The following SLIT3 variants were observed in gnomAD, a reference collection of about 807,000 sequenced individuals.
SLIT3 encodes slit homolog 3 protein.
Under a neutral mutation model 184.0 loss-of-function variants are expected in SLIT3, and 68 were observed. That is an observed-to-expected ratio of 0.37 (90% confidence interval 0.30 to 0.45). The LOEUF (loss-of-function observed/expected upper bound fraction) is 0.45, where lower values mean the gene tolerates loss of function less well. SLIT3 is among the 20% of genes least tolerant of loss of function. The pLI is 1.00. For synonymous variants in SLIT3, 831 were observed against 828.6 expected, an observed-to-expected ratio of 1.00 and a Z score of -0.05; for missense variants, 1,707 against 2,026.0, an observed-to-expected ratio of 0.84 and a Z score of 3.02.
At chr5:168,832,198 TA>T (rs1403147736) in intron 6 of SLIT3, among the ~76,000 whole-genome samples, 2 of 152,240 alleles carry the variant, frequency 1.3e-5, no homozygotes, top group African/African-American at 4.8e-5. Context: ...AGTCTTGACT[TA>T]GAAATCAGGC....
intron 30 of SLIT3, 54 bp downstream of exon 30, chr5:168,686,924 AG>A (rs1761760504): frequency 4.4e-6 from 7 of 1,596,112 alleles, no homozygotes; most frequent in Non-Finnish European, 6.0e-6. Flanking sequence ...AGTCAGCCCC[AG>A]CCCCTGCCAC....
intron 26 of SLIT3, among the ~76,000 whole-genome samples, chr5:168,701,822 C>T (rs779733593): frequency 2.6e-5 from 4 of 152,254 alleles, no homozygotes; most frequent in African/African-American, 4.8e-5. Context: ...CCCACTGCCA[C>T]ACCACCTGCT....
intron 3 of SLIT3, among the ~76,000 whole-genome samples, chr5:169,237,202 T>C (rs1356687150): frequency 1.3e-5 from 2 of 152,200 alleles, no homozygotes; most frequent in Admixed American, 6.5e-5. Context: ...TTCATCACAG[T>C]CTGCATTCCA....
At chr5:168,762,206 A>G (rs1755180344) in intron 15 of SLIT3, among the ~76,000 whole-genome samples, 1 of 152,060 alleles carries the variant, frequency 6.6e-6, no homozygotes, top group African/African-American at 2.4e-5. Context: ...TTTAGCACCC[A>G]ACTTTCTGGT....
chr5:169,161,771 T>C (rs1262978020), intron 4 of SLIT3, among the ~76,000 whole-genome samples: 1 of 151,990 alleles, frequency 6.6e-6, no homozygotes, highest in Non-Finnish European at 1.5e-5. Context: ...GGCCAGGTAC[T>C]GTCCACTGTG....
At chr5:169,008,421 G>A (rs1756010941) in intron 4 of SLIT3, among the ~76,000 whole-genome samples, 1 of 152,186 alleles carries the variant, frequency 6.6e-6, no homozygotes. Flanking sequence ...ACAGGGGTTT[G>A]GAGAAGAGGC....
At chr5:168,703,012 G>A (rs940516181) in intron 26 of SLIT3, among the ~76,000 whole-genome samples, 3 of 152,190 alleles carry the variant, frequency 2.0e-5, no homozygotes, top group Non-Finnish European at 4.4e-5. Context: ...GCCAAGCACA[G>A]AAATCCAGGA....
intron 4 of SLIT3, among the ~76,000 whole-genome samples, chr5:169,014,414 G>T (rs552994902): frequency 1.3e-5 from 2 of 152,294 alleles, no homozygotes; most frequent in African/African-American, 2.4e-5. Context: ...AAGTACTGGT[G>T]GGGGAGAGGA....
At chr5:168,861,804 A>C (rs966971848) in intron 5 of SLIT3, among the ~76,000 whole-genome samples, 2 of 152,230 alleles carry the variant, frequency 1.3e-5, no homozygotes, top group Non-Finnish European at 2.9e-5. Flanking sequence ...GCCAGCCCTC[A>C]CTTTAAGATG....
chr5:168,983,178 C>T (rs150698791), intron 4 of SLIT3, among the ~76,000 whole-genome samples: 1 of 152,252 alleles, frequency 6.6e-6, no homozygotes, highest in Non-Finnish European at 1.5e-5. Flanking sequence ...AAGGCTAAGT[C>T]AGATTTCCTG....
intron 7 of SLIT3, among the ~76,000 whole-genome samples, chr5:168,821,288 C>T (rs1177840361): frequency 6.6e-6 from 1 of 152,218 alleles, no homozygotes; most frequent in Admixed American, 6.5e-5. Flanking sequence ...GTTATTGCTG[C>T]TTCTAAACTG....
intron 7 of SLIT3, 52 bp downstream of exon 7, chr5:168,823,208 T>A: frequency 7.2e-7 from 1 of 1,398,282 alleles, no homozygotes; most frequent in Admixed American, 1.7e-5. Context: ...GTGCTGCACT[T>A]TGGGCGTGAG....
At chr5:168,856,415 C>T (rs1758870620) in intron 5 of SLIT3, among the ~76,000 whole-genome samples, 1 of 152,122 alleles carries the variant, frequency 6.6e-6, no homozygotes, top group African/African-American at 2.4e-5. Flanking sequence ...ACTACCTTGA[C>T]ATTGAAGAGC....
intron 27 of SLIT3, among the ~76,000 whole-genome samples, chr5:168,699,431 C>T (rs937130361): frequency 2.0e-5 from 3 of 152,198 alleles, no homozygotes; most frequent in African/African-American, 7.2e-5. Flanking sequence ...ACTGGCTCAC[C>T]AGGGATGCCA....
Position 168,700,642 on chromosome 5 carries a change from T to C in SLIT3, c.2882A>G (p.Gln961Arg). The C allele has an allele frequency of 6.2e-7, 1 of 1,614,164 alleles. No individual in the cohort carries two copies. Among genetic ancestry groups the C allele is most frequent in the Non-Finnish European group, 8.5e-7 (1 of 1,180,034 alleles). Residue 961 changes from glutamine (Q) to arginine (R), a missense_variant, in exon 27 of 36, where the codon CAG becomes CGG. Physicochemically the swap from Gln to Arg is conservative, Grantham distance 43. Coordinates refer to ENST00000519560, the MANE Select transcript of SLIT3 (RefSeq NM_003062.4). ...GGTGCCTCCATGCTGACAGGGGTTC[T>C]GGATGCAGGTGTTGATGGGCACAGT... is the stretch of plus-strand genomic sequence containing the variant. ...DCTVPINTCI[Q>R]NPCQHGGTCH... is the part of the protein sequence containing the mutation.
At chr5:169,013,584 T>C (rs1337037520) in intron 4 of SLIT3, among the ~76,000 whole-genome samples, 1 of 152,206 alleles carries the variant, frequency 6.6e-6, no homozygotes, top group Non-Finnish European at 1.5e-5. Flanking sequence ...TGCCCAAGAT[T>C]GGGTTACTCC....
At chr5:168,922,948 T>C (rs755563426) in intron 4 of SLIT3, among the ~76,000 whole-genome samples, 1 of 152,186 alleles carries the variant, frequency 6.6e-6, no homozygotes, top group Non-Finnish European at 1.5e-5. Flanking sequence ...TGAACATATG[T>C]AGCGAAAGTC....
intron 1 of SLIT3, among the ~76,000 whole-genome samples, chr5:169,297,125 T>C (rs1767526955): frequency 6.6e-6 from 1 of 152,238 alleles, no homozygotes; most frequent in South Asian, 2.1e-4. Context: ...GCCATCCACT[T>C]CCTCTCCTCT....
chr5:168,775,217 T>C (rs1462177415), intron 12 of SLIT3, among the ~76,000 whole-genome samples: 2 of 151,892 alleles, frequency 1.3e-5, no homozygotes, highest in Non-Finnish European at 2.9e-5. Flanking sequence ...TTTGTATTTT[T>C]AGTAGAGACG....
Sources: allele counts gnomAD v4.1 joint callset (sites outside exome capture counted in the v4.1 genomes callset), GRCh38; gene constraint gnomAD v4.1.1; transcripts MANE v1.5; gene names NCBI Gene and HGNC (gene_info 2026-07-23, HGNC 2026-07-21).